VPS26C: variants seen among roughly 807,000 people sequenced by gnomAD.
The protein encoded by VPS26C is vacuolar protein sorting-associated protein 26C.
VPS26C carries 19 observed loss-of-function variants against 30.6 expected under a neutral mutation model. The observed-to-expected ratio is 0.62, with a 90% confidence interval of 0.43 to 0.91. The LOEUF (loss-of-function observed/expected upper bound fraction) is 0.91, where lower values mean the gene tolerates loss of function less well. VPS26C is among the 40% of genes least tolerant of loss of function. The pLI is 0.00. For missense variants in VPS26C, 318 were observed against 385.1 expected, an observed-to-expected ratio of 0.83 and a Z score of 1.46; for synonymous variants, 132 against 151.5, an observed-to-expected ratio of 0.87 and a Z score of 0.95.
chr21:37,245,903 G>C (rs772988504), intron 1 of VPS26C, among the ~76,000 whole-genome samples: 1 of 152,004 alleles, frequency 6.6e-6, no homozygotes, highest in African/African-American at 2.4e-5. Flanking sequence ...CAGAAAAGAA[G>C]TAAAAGGAAA....
chr21:37,258,049 G>A (rs2086262581), intron 1 of VPS26C, among the ~76,000 whole-genome samples: 2 of 152,370 alleles, frequency 1.3e-5, no homozygotes, highest in East Asian at 3.9e-4. Flanking sequence ...AGCGGCCACA[G>A]CAGGGGGAAG....
intron 1 of VPS26C, among the ~76,000 whole-genome samples, chr21:37,259,657 C>G (rs1357736011): frequency 6.6e-6 from 1 of 152,152 alleles, no homozygotes; most frequent in Non-Finnish European, 1.5e-5. Flanking sequence ...ATCTGCTGCA[C>G]TAAGCAAAGG....
At chr21:37,229,781 C>T (rs1292786534) in intron 5 of VPS26C, among the ~76,000 whole-genome samples, 2 of 152,208 alleles carry the variant, frequency 1.3e-5, no homozygotes, top group African/African-American at 4.8e-5. Context: ...CAGTGAAGCT[C>T]TGGACCTGAA....
intron 1 of VPS26C, among the ~76,000 whole-genome samples, chr21:37,250,649 C>T: frequency 6.6e-6 from 1 of 151,944 alleles, no homozygotes. Context: ...CGCCTGTAAT[C>T]CCAGCACTTT....
chr21:37,233,522 T>C lies in VPS26C; in HGVS notation c.352-80A>G. 2 of 1,011,414 alleles carry C rather than the reference T, an allele frequency of 2.0e-6. No homozygotes were observed. The highest frequency in any genetic ancestry group is 3.1e-6 in the Non-Finnish European group (2 of 637,852). 62.7% of individuals were successfully genotyped at this position (1,011,414 alleles called of 1,614,324 possible). A position where few individuals can be genotyped will look rare whatever the true frequency, so the allele number is the denominator to read the frequency against. On this transcript the variant is annotated intron_variant, in intron 3 of 7. Coordinates refer to ENST00000309117, the MANE Select transcript of VPS26C (RefSeq NM_006052.2). The surrounding 1 kb of genome is among the most constrained non-coding windows in gnomAD (Gnocchi z 5.2). ...TTGGAATTATATTCAAAGAGACAAG[T>C]CAGTCAACATATTTTAGGGAAATGT...
chr21:37,225,667 C>G (rs1425817026), intron 7 of VPS26C, 41 bp from the exon 8 acceptor site: 2 of 1,550,870 alleles, frequency 1.3e-6, no homozygotes, highest in Admixed American at 1.7e-5. Context: ...TCACTGTTAC[C>G]AAGCAGCGAA....
At chr21:37,242,561 G>A (rs2086098279) in intron 1 of VPS26C, among the ~76,000 whole-genome samples, 1 of 152,104 alleles carries the variant, frequency 6.6e-6, no homozygotes, top group Non-Finnish European at 1.5e-5. Flanking sequence ...ACTCCAGCCT[G>A]AGTAATAGAG....
intron 1 of VPS26C, chr21:37,261,222 C>T (rs1256596751): frequency 6.6e-6 from 1 of 152,144 alleles, no homozygotes; most frequent in African/African-American, 2.4e-5. Context: ...AGAAAACATT[C>T]CCATGTTATT....
At position 37,224,641 on chromosome 21, in the gene VPS26C, A is replaced by G. The variant is rs905426498; in HGVS notation, c.*903T>C. 1 of 152,204 alleles carries G rather than the reference A, an allele frequency of 6.6e-6. No homozygotes were observed. Among genetic ancestry groups the G allele is most frequent in the Non-Finnish European group, 1.5e-5 (1 of 68,050 alleles). The allele number at this position is 152,204 out of a possible 1,614,324, so 9.4% of individuals were successfully genotyped here. Reference sequence around the variant, plus strand: ...AAATCCCCCCAAGAGAGCAAGGAACACTTTTCCAGTTGCTTAAAAAATTTA... The same window carrying G: ...AAATCCCCCCAAGAGAGCAAGGAACGCTTTTCCAGTTGCTTAAAAAATTTA... On this transcript the variant is annotated 3_prime_UTR_variant, in exon 8 of 8. Coordinates refer to ENST00000309117, the MANE Select transcript of VPS26C (RefSeq NM_006052.2).
At chr21:37,243,247 C>T (rs1415766329) in intron 1 of VPS26C, among the ~76,000 whole-genome samples, 2 of 152,104 alleles carry the variant, frequency 1.3e-5, no homozygotes, top group Admixed American at 6.5e-5. Context: ...ACTAATACCT[C>T]GTCCAACATC....
chr21:37,245,321 C>T (rs1041879262), intron 1 of VPS26C, among the ~76,000 whole-genome samples: 3 of 152,164 alleles, frequency 2.0e-5, no homozygotes, highest in Non-Finnish European at 4.4e-5. Context: ...AAGGGGGACC[C>T]GCCCTCTCCT....
At chr21:37,232,021 G>A (rs944847034) in intron 5 of VPS26C, 8 of 255,066 alleles carry the variant, frequency 3.1e-5, no homozygotes, top group African/African-American at 1.8e-4. Context: ...GATGACAACA[G>A]GCCAGGGGGC....
intron 7 of VPS26C, 54 bp from the exon 8 acceptor site, chr21:37,225,680 C>T (rs1403165709): frequency 6.9e-7 from 1 of 1,441,232 alleles, no homozygotes; most frequent in African/African-American, 1.4e-5. Context: ...GCAGCGAAAC[C>T]ACACGCCGCC....
intron 2 of VPS26C, among the ~76,000 whole-genome samples, 178 bp downstream of exon 2, chr21:37,240,318 T>A (rs540135385): frequency 1.8e-4 from 28 of 152,074 alleles, no homozygotes; most frequent in African/African-American, 6.0e-4. Context: ...AGAGATGGGG[T>A]CTTGCTATGT....
intron 3 of VPS26C, among the ~76,000 whole-genome samples, chr21:37,234,149 A>T (rs2085995656): frequency 1.3e-5 from 2 of 152,334 alleles, no homozygotes; most frequent in South Asian, 4.1e-4. Context: ...TTTACTGAAT[A>T]TGCAGTAACC....
chr21:37,240,088 CAATA>C (rs1316260930), intron 2 of VPS26C, among the ~76,000 whole-genome samples: 1 of 152,064 alleles, frequency 6.6e-6, no homozygotes, highest in South Asian at 2.1e-4. Context: ...CAACAGATAA[CAATA>C]AAGGCACACA....
upstream of VPS26C, chr21:37,267,410 C>T (rs1253419805): frequency 8.0e-6 from 7 of 873,358 alleles, no homozygotes; most frequent in Non-Finnish European, 1.3e-5. Context: ...GGCAGTGGCT[C>T]ACGTGACCTC....
Position 37,233,164 on chromosome 21 carries a change from G to T in VPS26C, c.432+198C>A. Reference sequence around the variant, plus strand: ...GTCCCTCTGGCCCGCGGCCTCAGCTGGGGGACTCTGGGCCCAGGACAATGA... The same window carrying T: ...GTCCCTCTGGCCCGCGGCCTCAGCTTGGGGACTCTGGGCCCAGGACAATGA... On this transcript the variant is annotated intron_variant, in intron 4 of 7. Coordinates refer to ENST00000309117, the MANE Select transcript of VPS26C (RefSeq NM_006052.2). The surrounding 1 kb of genome is among the most constrained non-coding windows in gnomAD (Gnocchi z 5.2). The T allele has an allele frequency of 1.8e-6, 1 of 548,320 alleles. No homozygotes were observed. Among genetic ancestry groups the T allele is most frequent in the South Asian group, 2.4e-5 (1 of 41,466 alleles). The allele number at this position is 548,320 out of a possible 1,614,324, so 34.0% of individuals were successfully genotyped here.
Position 37,233,657 on chromosome 21 carries a change from T to C in VPS26C, c.352-215A>G, listed in dbSNP as rs547433731. On this transcript the variant is annotated intron_variant, in intron 3 of 7. Coordinates refer to ENST00000309117, the MANE Select transcript of VPS26C (RefSeq NM_006052.2). The surrounding 1 kb of genome is among the most constrained non-coding windows in gnomAD (Gnocchi z 5.2). Reference sequence around the variant, plus strand: ...GTTTTAAAAATGAACCACTTTAAGGTTATTCTTCAATCTGTTTGCACAGCT... The same window carrying C: ...GTTTTAAAAATGAACCACTTTAAGGCTATTCTTCAATCTGTTTGCACAGCT... Among the ~76,000 whole-genome samples, 1 of 152,284 alleles carries C rather than the reference T, an allele frequency of 6.6e-6. No homozygotes were observed. Among genetic ancestry groups the C allele is most frequent in the South Asian group, 2.1e-4 (1 of 4,828 alleles).
Sources: gnomAD v4.1 joint callset for allele counts (sites outside exome capture counted in the v4.1 genomes callset) on GRCh38, gnomAD v4.1.1 for gene constraint, Gnocchi (gnomAD v3.1) non-coding constraint, MANE v1.5 for transcripts, NCBI Gene and HGNC (gene_info 2026-07-23, HGNC 2026-07-21) for gene names.